Variants in LAMA2 observed in about 807,000 individuals in gnomAD.
The protein encoded by LAMA2 is laminin subunit alpha 2, also known as laminin subunit alpha-2.
A neutral mutation model predicts 364.8 loss-of-function variants in LAMA2; 269 were observed. The observed-to-expected ratio is 0.74, with a 90% CI of 0.67 to 0.82. The LOEUF (loss-of-function observed/expected upper bound fraction) is 0.82. LAMA2 is among the 40% of genes least tolerant of loss of function. The pLI is 0.00. For synonymous variants in LAMA2, 1,379 were observed against 1,370.6 expected (o/e 1.01, Z -0.14); for missense variants, 3,807 against 3,873.2 (o/e 0.98, Z 0.45).
At chr6:129,021,217 A>C (rs75177929) in intron 1 of LAMA2, among the ~76,000 whole-genome samples, 1 of 152,164 alleles carries the variant, frequency 6.6e-6, no homozygotes, top group Admixed American at 6.5e-5. Context: ...GCCAAATTAC[A>C]ATATCTTATG....
At chr6:128,949,381 G>A (rs559902310) in intron 1 of LAMA2, among the ~76,000 whole-genome samples, 1 of 152,158 alleles carries the variant, frequency 6.6e-6, no homozygotes, top group East Asian at 1.9e-4. Flanking sequence ...TCACTTTAGT[G>A]AGGTGGAAGG....
chr6:128,886,940 G>C (rs1776182419), intron 1 of LAMA2, among the ~76,000 whole-genome samples: 1 of 152,182 alleles, frequency 6.6e-6, no homozygotes, highest in African/African-American at 2.4e-5. Context: ...CTCATCAACT[G>C]TCTAGCCATT....
chr6:129,199,104 T>G (rs1782023510), intron 12 of LAMA2, among the ~76,000 whole-genome samples: 1 of 152,052 alleles, frequency 6.6e-6, no homozygotes, highest in Non-Finnish European at 1.5e-5. Flanking sequence ...ATATCCTAAA[T>G]AAAATATTAA....
intron 31 of LAMA2, among the ~76,000 whole-genome samples, chr6:129,352,279 A>C (rs6930568): frequency 0.98 from 149,181 of 152,302 alleles, 73,078 homozygotes; most frequent in East Asian, 1. Context: ...GTGTCATAAC[A>C]CGGAGTGAAA....
At chr6:129,379,154 A>T (rs983439849) in intron 34 of LAMA2, among the ~76,000 whole-genome samples, 1 of 152,184 alleles carries the variant, frequency 6.6e-6, no homozygotes, top group Non-Finnish European at 1.5e-5. Context: ...GAGTTAAATG[A>T]TGAGAACACA....
rs1176169862 is a variant in LAMA2, at chr6:129,316,097, C to G, written c.3984C>G (p.Asp1328Glu). 6.2e-7 allele frequency: 1 copy of G among 1,610,946 alleles called. No individual in the cohort carries two copies. Among genetic ancestry groups the G allele is most frequent in the Non-Finnish European group, 8.5e-7 (1 of 1,177,184 alleles). ...TCCATAGAACTGTGACCCGAGAAGA[C>G]TTCTTGGATATACTATATGATATTC... ...PRVHRTVTRE[D>E]FLDILYDIHY... is the part of the protein sequence containing the mutation. Residue 1328 changes from aspartate (D) to glutamate (E), a missense_variant, in exon 27 of 65, where the codon GAC (aspartate) becomes GAG (glutamate). Around this residue, in one of 3 missense-constraint regions of LAMA2, gnomAD observed 3,333 missense variants for 3,345.7 expected, o/e 1.00. Transcript: ENST00000421865.
intron 5 of LAMA2, among the ~76,000 whole-genome samples, chr6:129,145,500 A>C (rs1778381270): frequency 6.6e-6 from 1 of 152,028 alleles, no homozygotes; most frequent in Non-Finnish European, 1.5e-5. Flanking sequence ...GCGGGACTTA[A>C]AAATATACAC....
At chr6:129,305,633 GAGAC>G (rs1328466305) in intron 22 of LAMA2, among the ~76,000 whole-genome samples, 1 of 152,082 alleles carries the variant, frequency 6.6e-6, no homozygotes, top group Non-Finnish European at 1.5e-5. Context: ...GTGTGAGAGA[GAGAC>G]AGAGAGAGAG....
At chr6:129,296,033 TTG>T (rs1773160668) in intron 20 of LAMA2, among the ~76,000 whole-genome samples, 1 of 151,974 alleles carries the variant, frequency 6.6e-6, no homozygotes, top group African/African-American at 2.4e-5. Context: ...TTTCATATTT[TTG>T]TTTAATTTCT....
At chr6:129,492,292 T>C (rs954199331) in intron 57 of LAMA2, 23 bp from the exon 58 acceptor site, 1 of 1,608,910 alleles carries the variant, frequency 6.2e-7, no homozygotes, top group Non-Finnish European at 8.5e-7. Flanking sequence ...AATAAAAAAA[T>C]CTTATTTATT....
intron 12 of LAMA2, among the ~76,000 whole-genome samples, chr6:129,235,564 G>T (rs1303230525): frequency 1.3e-5 from 2 of 152,106 alleles, no homozygotes; most frequent in African/African-American, 2.4e-5. Flanking sequence ...GGCCCACTTT[G>T]AACTCTTAGC....
At position 128,961,369 on chromosome 6, in the gene LAMA2, T is replaced by TATA. The variant is rs1562873217; in HGVS notation, c.112+78013_112+78014insTAA. Among the ~76,000 whole-genome samples, 40 of 69,124 alleles carry TATA rather than the reference T, an allele frequency of 5.8e-4. 1 individual carries two copies. The highest frequency in any genetic ancestry group is 2.0e-3 in the African/African-American group (39 of 19,792). The allele number at this position is 69,124 out of a possible 152,430, so 45.3% of individuals were successfully genotyped here. A position where few individuals can be genotyped will look rare whatever the true frequency, so the allele number is the denominator to read the frequency against. ...TATATATATATATATATATATATAT[T>TATA]AGTTTATTAAGTATTAACTTATACG... is the stretch of plus-strand genomic sequence containing the variant. On this transcript the variant is annotated intron_variant, in intron 1 of 64. Coordinates refer to ENST00000421865, the MANE Select transcript of LAMA2 (RefSeq NM_000426.4).
chr6:129,383,131 G>A lies in LAMA2; in HGVS notation c.4969G>A (p.Val1657Met), dbSNP rs370971334. ...GAATTTGGATCATTAGGCTACCAAAGTGACAGCAGATGGCGAGCAGACCGG... is the reference window on the plus strand; with the variant it reads ...GAATTTGGATCATTAGGCTACCAAAATGACAGCAGATGGCGAGCAGACCGG... Reference protein sequence around the residue: ...MNELLTRATKVTADGEQTGQD... With the variant: ...MNELLTRATKMTADGEQTGQD... The change falls in exon 35 of 65, where the codon GTG becomes ATG. Residue 1657 changes from valine (V) to methionine (M), a missense_variant. Physicochemically the swap from Val to Met is conservative, Grantham distance 21. Around this residue, in one of 3 missense-constraint regions of LAMA2, gnomAD observed 3,333 missense variants for 3,345.7 expected, o/e 1.00. Transcript: ENST00000421865. 1.6e-4 allele frequency: 263 copies of A among 1,613,438 alleles called. 1 individual carries two copies. Among genetic ancestry groups the A allele is most frequent in the Non-Finnish European group, 2.1e-4 (244 of 1,179,722 alleles).
chr6:129,054,082 A>G (rs150926922), intron 2 of LAMA2, among the ~76,000 whole-genome samples: 167 of 152,354 alleles, frequency 1.1e-3, no homozygotes, highest in African/African-American at 3.8e-3. Flanking sequence ...AGCAGCAGTC[A>G]GCAGAAAGTG....
intron 12 of LAMA2, among the ~76,000 whole-genome samples, chr6:129,225,254 A>G (rs976094500): frequency 6.6e-6 from 1 of 152,086 alleles, no homozygotes; most frequent in Non-Finnish European, 1.5e-5. Context: ...CTAGCAGTCT[A>G]TCAATTTTGT....
At chr6:129,501,791 C>A (rs1166942151) in intron 58 of LAMA2, among the ~76,000 whole-genome samples, 3 of 152,124 alleles carry the variant, frequency 2.0e-5, no homozygotes, top group Admixed American at 2.0e-4. Context: ...AAATAGAGAA[C>A]AGGGAAAGGA....
At chr6:129,041,228 C>A (rs1266162692) in intron 1 of LAMA2, among the ~76,000 whole-genome samples, 1 of 152,148 alleles carries the variant, frequency 6.6e-6, no homozygotes, top group Non-Finnish European at 1.5e-5. Context: ...CACAGAAGAC[C>A]CCTTAATTGT....
At chr6:129,055,794 G>A (rs188719569) in intron 2 of LAMA2, among the ~76,000 whole-genome samples, 19 of 152,130 alleles carry the variant, frequency 1.2e-4, no homozygotes, top group African/African-American at 2.9e-4. Flanking sequence ...CCTCATCAGC[G>A]ATTCCCTATC....
intron 42 of LAMA2, among the ~76,000 whole-genome samples, chr6:129,439,285 AT>A (rs1562564659): frequency 1.3e-5 from 2 of 151,984 alleles, no homozygotes; most frequent in East Asian, 1.9e-4. Flanking sequence ...AGACACAACC[AT>A]TTTTTCCCCT....
Sources: allele counts gnomAD v4.1 joint callset (sites outside exome capture counted in the v4.1 genomes callset), GRCh38; gene constraint gnomAD v4.1.1; regional missense constraint gnomAD v4.1.1; transcripts MANE v1.5; gene names NCBI Gene and HGNC (gene_info 2026-07-23, HGNC 2026-07-21).